Variants in ACACA observed in about 807,000 individuals in gnomAD.
The protein encoded by ACACA is acetyl-CoA carboxylase alpha.
A neutral mutation model predicts 296.1 loss-of-function variants in ACACA; 103 were observed. That is an observed-to-expected ratio of 0.35 (90% CI 0.30 to 0.41). The LOEUF (loss-of-function observed/expected upper bound fraction) is 0.41, where lower values mean the gene tolerates loss of function less well. ACACA is among the 10% of genes least tolerant of loss of function. The pLI, the probability that ACACA is intolerant of heterozygous loss-of-function variation, is 1.00. For missense variants in ACACA, 1,554 were observed against 2,989.7 expected (o/e 0.52, Z 11.20); for synonymous variants, 953 against 1,038.6 (o/e 0.92, Z 1.58).
Position 37,194,993 on chromosome 17 carries a change from G to A in ACACA, c.4159-1578C>T, listed in dbSNP as rs1460944545. Among the ~76,000 whole-genome samples, 4 of 150,884 alleles carry A rather than the reference G, an allele frequency of 2.7e-5. No homozygotes were observed. In the East Asian group the frequency reaches 7.7e-4, roughly 29 times the overall value. The stretch of plus-strand genomic sequence containing the variant: ...GACTGACTTCAAGGTTAAGTAAGAT[G>A]CATTCAGCTGAGGTGTCGATAAATA... On this transcript the variant is annotated intron_variant, in intron 35 of 55. Coordinates refer to ENST00000616317, the MANE Select transcript of ACACA (RefSeq NM_198834.3).
intron 14 of ACACA, among the ~76,000 whole-genome samples, chr17:37,253,978 C>A (rs1023776643): frequency 1.3e-5 from 2 of 152,024 alleles, no homozygotes. Flanking sequence ...CAGTTAAGTG[C>A]AAAGTGATCC....
In ACACA at chr17:37,181,857, G is replaced by A. The variant is rs1345909825; in HGVS notation, c.4777-501C>T. On this transcript the variant is annotated intron_variant, in intron 39 of 55. Transcript: ENST00000616317. Reference sequence around the variant, plus strand: ...GGAGCTTGCAGTGAGCCAAGATTGCGCCACTGCACTCCAGCCTGGGCAACA... The same window carrying A: ...GGAGCTTGCAGTGAGCCAAGATTGCACCACTGCACTCCAGCCTGGGCAACA... Among the ~76,000 whole-genome samples the A allele has an allele frequency of 5.8e-5, 7 of 121,150 alleles. No individual in the cohort carries two copies. The East Asian group carries it at 8.0e-4, about 14-fold the overall frequency. 79.5% of individuals were successfully genotyped at this position (121,150 alleles called of 152,430 possible). A position where few individuals can be genotyped will look rare whatever the true frequency, so the allele number is the denominator to read the frequency against.
At chr17:37,318,448 C>T (rs1283378159) in intron 3 of ACACA, among the ~76,000 whole-genome samples, 2 of 152,172 alleles carry the variant, frequency 1.3e-5, no homozygotes, top group African/African-American at 4.8e-5. Flanking sequence ...GCCATGTTGG[C>T]CAGGCTGGTT....
At chr17:37,392,432 T>C (rs952656613) in intron 1 of ACACA, 2 of 152,194 alleles carry the variant, frequency 1.3e-5, no homozygotes, top group Non-Finnish European at 2.9e-5. Context: ...ATGATAATGC[T>C]GTTTCTCACA....
At position 37,383,933 on chromosome 17, in the gene ACACA, C is replaced by T. The variant is rs190696261; in HGVS notation, c.38+22329G>A. On this transcript the variant is annotated intron_variant, in intron 1 of 55. Coordinates refer to ENST00000616317, the MANE Select transcript of ACACA (RefSeq NM_198834.3). ...ACTTCCTATCCTGAATTTAAATCTC[C>T]ACTCAATACCAGAAGTGATAAACCT... Among the ~76,000 whole-genome samples, 33 of 152,264 alleles carry T rather than the reference C, an allele frequency of 2.2e-4. No homozygotes were observed. In the East Asian group the frequency reaches 6.2e-3, roughly 29 times the overall value.
At chr17:37,207,532 G>T in intron 31 of ACACA, 125 bp downstream of exon 31, 1 of 1,154,562 alleles carries the variant, frequency 8.7e-7, no homozygotes, top group Non-Finnish European at 1.3e-6. Context: ...TACAGCAAGG[G>T]TTACATCTTT....
chr17:37,233,921 T>G (rs1029980119), intron 25 of ACACA, among the ~76,000 whole-genome samples: 8 of 152,198 alleles, frequency 5.3e-5, no homozygotes, highest in Non-Finnish European at 1.2e-4. Context: ...TAATTACATA[T>G]TTTTTAAAGT....
At chr17:37,149,115 G>A (rs1012700960) in intron 45 of ACACA, among the ~76,000 whole-genome samples, 3 of 151,708 alleles carry the variant, frequency 2.0e-5, no homozygotes, top group South Asian at 2.1e-4. Flanking sequence ...TCACTCTTTC[G>A]AGCAGTGACC....
intron 1 of ACACA, chr17:37,389,405 G>T: frequency 6.4e-7 from 1 of 1,550,590 alleles, no homozygotes. Context: ...CTTAAAGAAG[G>T]TGGGGTAGGG....
At chr17:37,383,367 A>G (rs1487423850) in intron 1 of ACACA, among the ~76,000 whole-genome samples, 1 of 152,180 alleles carries the variant, frequency 6.6e-6, no homozygotes, top group African/African-American at 2.4e-5. Context: ...CTCCCAGAGA[A>G]AAAGAAACTC....
At chr17:37,181,133 A>T (rs2077302805) in intron 40 of ACACA, 68 bp downstream of exon 40, 1 of 1,576,264 alleles carries the variant, frequency 6.3e-7, no homozygotes, top group South Asian at 1.1e-5. Context: ...CCAAAACCGC[A>T]TCTGATGGAA....
chr17:37,323,896 C>A (rs920320466), intron 3 of ACACA, among the ~76,000 whole-genome samples: 2 of 152,222 alleles, frequency 1.3e-5, no homozygotes, highest in African/African-American at 4.8e-5. Flanking sequence ...AATATCCATA[C>A]AACTAGATGG....
chr17:37,093,887 C>T (rs1409020778), intron 54 of ACACA, among the ~76,000 whole-genome samples: 6 of 152,166 alleles, frequency 3.9e-5, no homozygotes, highest in African/African-American at 1.4e-4. Flanking sequence ...GGAATGGAGG[C>T]TTAAATAATA....
chr17:37,110,288 G>T (rs1305075268), intron 52 of ACACA, among the ~76,000 whole-genome samples: 1 of 152,224 alleles, frequency 6.6e-6, no homozygotes, highest in African/African-American at 2.4e-5. Context: ...ATGAACAGTT[G>T]TAAGTAACTT....
chr17:37,170,470 C>T (rs1003467590), intron 41 of ACACA, among the ~76,000 whole-genome samples: 1 of 151,998 alleles, frequency 6.6e-6, no homozygotes, highest in African/African-American at 2.4e-5. Context: ...CTGGACAGGA[C>T]GTGAAAATCA....
At chr17:37,338,511 G>C (rs922986097) in intron 2 of ACACA, among the ~76,000 whole-genome samples, 6 of 149,860 alleles carry the variant, frequency 4.0e-5, no homozygotes, top group African/African-American at 1.5e-4. Context: ...ACAAAAATTA[G>C]CCGAGCGTGG....
Position 37,263,901 on chromosome 17 carries a change from T to A in ACACA, c.1120-7A>T. On this transcript the variant is annotated splice_polypyrimidine_tract_variant and splice_region_variant and intron_variant, in intron 10 of 55. Coordinates refer to ENST00000616317, the MANE Select transcript of ACACA (RefSeq NM_198834.3). The stretch of plus-strand genomic sequence containing the variant: ...CAGGAACTTCAGCTTGAACCTGTAT[T>A]AGAAAAGGGGGAAAAAAAAAACCAA... The A allele has an allele frequency of 6.2e-7, 1 of 1,611,192 alleles. No individual in the cohort carries two copies. The highest frequency in any genetic ancestry group is 8.5e-7 in the Non-Finnish European group (1 of 1,178,342).
chr17:37,246,129 C>A (rs1018227019), intron 19 of ACACA, among the ~76,000 whole-genome samples: 3 of 152,174 alleles, frequency 2.0e-5, no homozygotes, highest in Admixed American at 2.0e-4. Context: ...GAATATCTTC[C>A]CATACAAGCT....
At chr17:37,402,952 G>A (rs1421435164) in intron 1 of ACACA, among the ~76,000 whole-genome samples, 5 of 152,130 alleles carry the variant, frequency 3.3e-5, no homozygotes, top group Non-Finnish European at 7.3e-5. Context: ...GATTACAGGC[G>A]TGAGCCACTG....
Sources: gnomAD v4.1 joint callset for allele counts (sites outside exome capture counted in the v4.1 genomes callset) on GRCh38, gnomAD v4.1.1 for gene constraint, MANE v1.5 for transcripts, NCBI Gene and HGNC (gene_info 2026-07-23, HGNC 2026-07-21) for gene names.